Variants in LPGAT1 observed in about 807,000 individuals in gnomAD.
LPGAT1 encodes the protein lysophosphatidylglycerol acyltransferase 1.
Under a neutral mutation model 47.5 loss-of-function variants are expected in LPGAT1, and 11 were observed. That is an observed-to-expected ratio of 0.23 (90% CI 0.15 to 0.38). LPGAT1 has a LOEUF of 0.38. LPGAT1 is among the 10% of genes least tolerant of loss of function. The probability of loss-of-function intolerance (pLI) is 1.00; values close to 1 mark genes in which losing one functional copy is unlikely to be tolerated. For missense variants in LPGAT1, 293 were observed against 439.0 expected (o/e 0.67, Z 2.97); for synonymous variants, 138 against 144.2 (o/e 0.96, Z 0.31).
At chr1:211,797,171 G>T (rs150440270) in intron 2 of LPGAT1, among the ~76,000 whole-genome samples, 16 of 152,064 alleles carry the variant, frequency 1.1e-4, no homozygotes, top group African/African-American at 3.9e-4. Flanking sequence ...CACAAGAATC[G>T]CTTGAACCTG....
intron 2 of LPGAT1, among the ~76,000 whole-genome samples, chr1:211,797,864 T>TA (rs1659411082): frequency 6.6e-6 from 1 of 152,148 alleles, no homozygotes; most frequent in African/African-American, 2.4e-5. Flanking sequence ...GACAACTGAA[T>TA]AAAAACTGGA....
chr1:211,759,733 A>G (rs1434406405), intron 6 of LPGAT1, among the ~76,000 whole-genome samples: 1 of 152,204 alleles, frequency 6.6e-6, no homozygotes, highest in Non-Finnish European at 1.5e-5. Flanking sequence ...TCTGCAAACA[A>G]TATTTTTGAA....
At chr1:211,801,910 T>A (rs1221050724) in intron 2 of LPGAT1, among the ~76,000 whole-genome samples, 3 of 151,672 alleles carry the variant, frequency 2.0e-5, no homozygotes, top group Admixed American at 2.0e-4. Context: ...TGAAACCCCA[T>A]CTCTACTAAA....
intron 2 of LPGAT1, among the ~76,000 whole-genome samples, chr1:211,811,176 A>G (rs1458636564): frequency 6.6e-6 from 1 of 152,236 alleles, no homozygotes; most frequent in African/African-American, 2.4e-5. Flanking sequence ...TTAACAATGA[A>G]GGAAGGTTTA....
chr1:211,808,267 C>T (rs1438269206), intron 2 of LPGAT1, among the ~76,000 whole-genome samples: 1 of 150,850 alleles, frequency 6.6e-6, no homozygotes, highest in African/African-American at 2.4e-5. Flanking sequence ...ATCACTTGAA[C>T]CCGGGCAGGG....
At chr1:211,791,762 A>C (rs568753054) in intron 3 of LPGAT1, among the ~76,000 whole-genome samples, 1,494 of 101,498 alleles carry the variant, frequency 0.015, 16 homozygotes, top group South Asian at 0.026. Flanking sequence ...AAAAAAAAAA[A>C]AAACAAACAA....
intron 2 of LPGAT1, among the ~76,000 whole-genome samples, chr1:211,820,848 G>A (rs1379358427): frequency 1.3e-5 from 2 of 152,000 alleles, no homozygotes; most frequent in Non-Finnish European, 2.9e-5. Flanking sequence ...ATATTAAAAA[G>A]GCACACATGT....
At chr1:211,774,391 C>T (rs1193588967) in intron 6 of LPGAT1, among the ~76,000 whole-genome samples, 4 of 152,074 alleles carry the variant, frequency 2.6e-5, no homozygotes, top group Non-Finnish European at 5.9e-5. Context: ...GCTGGAATTA[C>T]AGGCATGAGC....
Position 211,746,687 on chromosome 1 carries a change from C to T in LPGAT1, c.*3212G>A, listed in dbSNP as rs1038707898. 1.3e-5 allele frequency: 2 copies of T among 152,156 alleles called. No homozygotes were observed. The highest frequency in any genetic ancestry group is 2.4e-5 in the African/African-American group (1 of 41,440). The allele number at this position is 152,156 out of a possible 1,614,324, so 9.4% of individuals were successfully genotyped here. On this transcript the variant is annotated 3_prime_UTR_variant, in exon 8 of 8. Coordinates refer to ENST00000366997, the MANE Select transcript of LPGAT1 (RefSeq NM_014873.3). Reference sequence around the variant, plus strand: ...AAGACCAATAAGATAGATCTGAACTCATAGCTATCTTCTTTTTTAATATAC... The same window carrying T: ...AAGACCAATAAGATAGATCTGAACTTATAGCTATCTTCTTTTTTAATATAC...
chr1:211,781,757 C>T (rs993494303), intron 5 of LPGAT1, among the ~76,000 whole-genome samples: 1 of 152,088 alleles, frequency 6.6e-6, no homozygotes, highest in African/African-American at 2.4e-5. Flanking sequence ...CTAGTGAATG[C>T]CTTTCAGCTT....
chr1:211,753,691 G>A (rs1571690512), intron 6 of LPGAT1, among the ~76,000 whole-genome samples: 1 of 152,200 alleles, frequency 6.6e-6, no homozygotes, highest in Admixed American at 6.5e-5. Context: ...AGGAATTCTA[G>A]AAGCAGACCT....
intron 6 of LPGAT1, among the ~76,000 whole-genome samples, chr1:211,757,376 G>C (rs762702668): frequency 6.6e-6 from 1 of 152,096 alleles, no homozygotes; most frequent in Non-Finnish European, 1.5e-5. Context: ...TTGTGTTTAA[G>C]ATGGGGCTAA....
At chr1:211,780,142 A>G (rs902022533) in intron 5 of LPGAT1, among the ~76,000 whole-genome samples, 9 of 152,206 alleles carry the variant, frequency 5.9e-5, no homozygotes, top group Admixed American at 3.9e-4. Flanking sequence ...GCACCATTGC[A>G]CTCCAGCCTG....
At chr1:211,752,360 G>A (rs1315577715) in intron 6 of LPGAT1, among the ~76,000 whole-genome samples, 1 of 151,762 alleles carries the variant, frequency 6.6e-6, no homozygotes, top group Non-Finnish European at 1.5e-5. Context: ...AAAAGCTATT[G>A]GAATCCCCAA....
chr1:211,802,115 A>G (rs1021322559), intron 2 of LPGAT1, among the ~76,000 whole-genome samples: 34 of 151,764 alleles, frequency 2.2e-4, no homozygotes, highest in Non-Finnish European at 4.4e-5. Context: ...GAAAAAAAGA[A>G]AGAAAGAAAA....
intron 6 of LPGAT1, among the ~76,000 whole-genome samples, chr1:211,777,664 A>C (rs1483892378): frequency 6.6e-6 from 1 of 152,270 alleles, no homozygotes; most frequent in Non-Finnish European, 1.5e-5. Context: ...AGTCATAGCA[A>C]AATTACCAAT....
At chr1:211,774,308 G>T (rs909049031) in intron 6 of LPGAT1, among the ~76,000 whole-genome samples, 5 of 151,332 alleles carry the variant, frequency 3.3e-5, no homozygotes, top group Non-Finnish European at 7.4e-5. Context: ...GTAGAGACGG[G>T]GTTTCACCAT....
chr1:211,757,133 T>C (rs1205005237), intron 6 of LPGAT1, among the ~76,000 whole-genome samples: 1 of 151,930 alleles, frequency 6.6e-6, no homozygotes, highest in Non-Finnish European at 1.5e-5. Context: ...GGCAGGTGCC[T>C]GTAATCCTAG....
At chr1:211,826,581 T>C (rs975417514) in intron 2 of LPGAT1, among the ~76,000 whole-genome samples, 2 of 152,190 alleles carry the variant, frequency 1.3e-5, no homozygotes, top group Non-Finnish European at 2.9e-5. Flanking sequence ...TATGGGGCTG[T>C]GTAGGTTAGA....
Sources: allele counts gnomAD v4.1 joint callset (sites outside exome capture counted in the v4.1 genomes callset), GRCh38; gene constraint gnomAD v4.1.1; transcripts MANE v1.5; gene names NCBI Gene and HGNC (gene_info 2026-07-23, HGNC 2026-07-21).